The following STX8 variants were observed in gnomAD, a reference collection of about 807,000 sequenced individuals.
STX8 encodes the protein syntaxin 8.
A neutral mutation model predicts 37.5 loss-of-function variants in STX8; 23 were observed. The observed-to-expected ratio is 0.61, with a 90% confidence interval of 0.44 to 0.87. The LOEUF is 0.87. Ranked by LOEUF, STX8 falls within the 40% of genes least tolerant of loss-of-function variation. The pLI is 0.00. For synonymous variants in STX8, 115 were observed against 99.1 expected (o/e 1.16, Z -0.95); for missense variants, 313 against 284.7 (o/e 1.10, Z -0.71).
At chr17:9,298,866 G>A (rs1908663621) in intron 7 of STX8, among the ~76,000 whole-genome samples, 1 of 152,230 alleles carries the variant, frequency 6.6e-6, no homozygotes, top group East Asian at 1.9e-4. Context: ...AGTAGCATCT[G>A]TCCTTGCAAG....
At chr17:9,338,819 C>T (rs1018087700) in intron 7 of STX8, among the ~76,000 whole-genome samples, 3 of 152,144 alleles carry the variant, frequency 2.0e-5, no homozygotes, top group Non-Finnish European at 4.4e-5. Context: ...CGCCTGTAAT[C>T]CCAGCACTTT....
At chr17:9,358,064 A>G (rs982148480) in intron 7 of STX8, among the ~76,000 whole-genome samples, 5 of 152,216 alleles carry the variant, frequency 3.3e-5, no homozygotes, top group African/African-American at 1.2e-4. Context: ...AGGCTGCTTC[A>G]GTCTTCAATT....
In STX8 at chr17:9,488,793, A is replaced by G. The variant is rs538420710; in HGVS notation, c.541+3036T>C. Reference sequence around the variant, plus strand: ...TAGCCCACAGAACTGTAAGACATTAAGAGAGAAAGAGAGAGAGAGAGAGAG... The same window carrying G: ...TAGCCCACAGAACTGTAAGACATTAGGAGAGAAAGAGAGAGAGAGAGAGAG... On this transcript the variant is annotated intron_variant, in intron 6 of 7. Coordinates refer to ENST00000306357, the MANE Select transcript of STX8 (RefSeq NM_004853.3). 1.7e-3 allele frequency among the ~76,000 whole-genome samples: 231 copies of G among 138,524 alleles called. 1 individual carries two copies. Among genetic ancestry groups the G allele is most frequent in the African/African-American group, 6.1e-3 (225 of 36,816 alleles). The allele number at this position is 138,524 out of a possible 152,430, so 90.9% of individuals were successfully genotyped here. A position where few individuals can be genotyped will look rare whatever the true frequency, so the allele number is the denominator to read the frequency against.
At chr17:9,496,667 T>TA (rs1158354903) in intron 5 of STX8, among the ~76,000 whole-genome samples, 1 of 152,210 alleles carries the variant, frequency 6.6e-6, no homozygotes, top group African/African-American at 2.4e-5. Context: ...TGATTAAGGT[T>TA]AAAAATCTGA....
intron 6 of STX8, among the ~76,000 whole-genome samples, chr17:9,464,271 G>A (rs542907993): frequency 6.0e-5 from 9 of 149,210 alleles, no homozygotes; most frequent in Non-Finnish European, 1.2e-4. Flanking sequence ...AGAAAGGTGT[G>A]GTGAGGGATG....
rs557647772 is a variant in STX8, at chr17:9,257,395, T to A, written c.644-6750A>T. Among the ~76,000 whole-genome samples, 4 of 152,258 alleles carry A rather than the reference T, an allele frequency of 2.6e-5. No homozygotes were observed. The South Asian group carries it at 8.3e-4, about 32-fold the overall frequency. On this transcript the variant is annotated intron_variant, in intron 7 of 7. Transcript: ENST00000306357. ...ACTGGAAACGAGCAAAATACGGAGC[T>A]TGTGCTGCCAACGCCCCTGCCACAA...
intron 6 of STX8, among the ~76,000 whole-genome samples, chr17:9,406,697 A>G (rs1272341348): frequency 6.6e-6 from 1 of 152,212 alleles, no homozygotes; most frequent in African/African-American, 2.4e-5. Context: ...TATTTTTAGC[A>G]TTTTTACGTA....
rs563540382 is a variant in STX8 at position 9,496,680 on chromosome 17, C to T, written c.449-4759G>A. On this transcript the variant is annotated intron_variant, in intron 5 of 7. Transcript: ENST00000306357. ...TGTGATTAAGGTTAAAAATCTGAGA[C>T]GGGGGATTAGCCTGGATTATCCAGG... is the stretch of plus-strand genomic sequence containing the variant. Among the ~76,000 whole-genome samples, 7 of 152,212 alleles carry T rather than the reference C, an allele frequency of 4.6e-5. No individual in the cohort carries two copies. The South Asian group carries it at 1.0e-3, about 23-fold the overall frequency.
At chr17:9,395,432 TAAA>T (rs969288998) in intron 6 of STX8, among the ~76,000 whole-genome samples, 1 of 150,996 alleles carries the variant, frequency 6.6e-6, no homozygotes, top group African/African-American at 2.4e-5. Context: ...ATGGTAAAAA[TAAA>T]AAAAATCAGC....
rs1007404072 is a variant in STX8 at position 9,348,120 on chromosome 17, T to G, written c.643+30432A>C. On this transcript the variant is annotated intron_variant, in intron 7 of 7. Coordinates refer to ENST00000306357, the MANE Select transcript of STX8 (RefSeq NM_004853.3). ...TGACAGGTGGTATTTCTTTTACATA[T>G]GAACATTGTAGAATATGGGAACCTG... 3.3e-5 allele frequency among the ~76,000 whole-genome samples: 5 copies of G among 152,096 alleles called. No individual in the cohort carries two copies. The East Asian group carries it at 9.6e-4, about 29-fold the overall frequency.
intron 7 of STX8, among the ~76,000 whole-genome samples, chr17:9,304,691 A>T (rs1310230668): frequency 6.6e-6 from 1 of 152,028 alleles, no homozygotes; most frequent in Non-Finnish European, 1.5e-5. Flanking sequence ...TCAGACTGGC[A>T]AAATCCCACA....
intron 4 of STX8, among the ~76,000 whole-genome samples, chr17:9,518,594 C>T (rs553028442): frequency 3.3e-5 from 5 of 152,220 alleles, no homozygotes; most frequent in Admixed American, 6.5e-5. Context: ...AGCAGCCAGG[C>T]GTGGTGGCTC....
intron 7 of STX8, among the ~76,000 whole-genome samples, chr17:9,309,111 A>G (rs1028316121): frequency 2.0e-5 from 3 of 152,124 alleles, no homozygotes; most frequent in Non-Finnish European, 4.4e-5. Context: ...TTTGAAAAAA[A>G]GAAAACAAGA....
At chr17:9,365,110 G>A (rs112619436) in intron 7 of STX8, among the ~76,000 whole-genome samples, 22 of 152,064 alleles carry the variant, frequency 1.4e-4, no homozygotes, top group African/African-American at 5.3e-4. Context: ...ATAGATATGA[G>A]AAAGAGAGAT....
intron 6 of STX8, among the ~76,000 whole-genome samples, chr17:9,390,671 CAA>C (rs34634153): frequency 6.5e-4 from 81 of 125,444 alleles, no homozygotes; most frequent in African/African-American, 8.8e-4. Flanking sequence ...ACTAAAAATA[CAA>C]AAAAAAAAAA....
intron 7 of STX8, among the ~76,000 whole-genome samples, chr17:9,375,558 A>T (rs1377657181): frequency 5.3e-5 from 8 of 152,202 alleles, no homozygotes; most frequent in African/African-American, 1.9e-4. Flanking sequence ...CATATATAAC[A>T]TTGTATGTCT....
At chr17:9,440,214 T>C (rs1360178467) in intron 6 of STX8, among the ~76,000 whole-genome samples, 1 of 152,172 alleles carries the variant, frequency 6.6e-6, no homozygotes, top group Non-Finnish European at 1.5e-5. Context: ...AATCGGATGA[T>C]TTGAAACATA....
intron 1 of STX8, 81 bp downstream of exon 1, chr17:9,575,711 T>C: frequency 1.3e-6 from 2 of 1,515,166 alleles, no homozygotes; most frequent in South Asian, 1.2e-5. Flanking sequence ...CCAGCGGCAA[T>C]GCGAAGTGAT....
chr17:9,501,404 T>C (rs1257843427), intron 5 of STX8, among the ~76,000 whole-genome samples: 3 of 152,022 alleles, frequency 2.0e-5, no homozygotes, highest in Non-Finnish European at 4.4e-5. Context: ...ACAACAGAAA[T>C]AGGCCCATAC....
Sources: allele counts gnomAD v4.1 joint callset (sites outside exome capture counted in the v4.1 genomes callset), GRCh38; gene constraint gnomAD v4.1.1; transcripts MANE v1.5; gene names NCBI Gene and HGNC (gene_info 2026-07-23, HGNC 2026-07-21).